The following ADORA1 variants were observed in gnomAD, a reference collection of about 807,000 sequenced individuals.
ADORA1 encodes the protein adenosine receptor A1.
Under a neutral mutation model 19.9 loss-of-function variants are expected in ADORA1, and 6 were observed. The ratio of observed to expected loss-of-function variants is 0.30; its 90% confidence interval spans 0.17 to 0.59. ADORA1 has a LOEUF of 0.59. Among genes scored for constraint, ADORA1 ranks in the 20% least tolerant of loss-of-function variants. The probability of loss-of-function intolerance (pLI) is 0.87; values close to 1 mark genes in which losing one functional copy is unlikely to be tolerated. For missense variants in ADORA1, 302 were observed against 439.2 expected (o/e 0.69, Z 2.79); for synonymous variants, 194 against 188.4 (o/e 1.03, Z -0.24).
chr1:203,151,183 G>C (rs1404949107), intron 3 of ADORA1, among the ~76,000 whole-genome samples: 3 of 152,198 alleles, frequency 2.0e-5, no homozygotes, highest in African/African-American at 7.2e-5. Flanking sequence ...GGAAAGGCGT[G>C]GGCTCACCCT....
intron 3 of ADORA1, among the ~76,000 whole-genome samples, chr1:203,147,326 G>A (rs916194715): frequency 6.6e-6 from 1 of 151,866 alleles, no homozygotes; most frequent in Admixed American, 6.6e-5. Context: ...TTTTTTCCTC[G>A]TATCGGGGGA....
chr1:203,135,199 A>G (rs745354833), intron 3 of ADORA1, among the ~76,000 whole-genome samples: 1 of 152,240 alleles, frequency 6.6e-6, no homozygotes, highest in Non-Finnish European at 1.5e-5. Flanking sequence ...TGCCTGGCAC[A>G]GAGCAGGCAT....
At chr1:203,157,781 GC>G (rs973846574) in intron 3 of ADORA1, among the ~76,000 whole-genome samples, 1 of 152,254 alleles carries the variant, frequency 6.6e-6, no homozygotes, top group Non-Finnish European at 1.5e-5. Flanking sequence ...AGCAGCACAA[GC>G]TACATCTGGG....
In ADORA1 at chr1:203,142,415, G is replaced by A. The variant is rs777180892; in HGVS notation, c.341+13233G>A. 3.5e-3 allele frequency among the ~76,000 whole-genome samples: 532 copies of A among 152,330 alleles called. 1 individual carries two copies. Among genetic ancestry groups the A allele is most frequent in the Non-Finnish European group, 5.7e-3 (388 of 68,034 alleles). ...ATGTCTGTGGAGTGAAGAAATGAGG[G>A]AATGCTCCAATGGAGGAAGGACACC... On this transcript the variant is annotated intron_variant, in intron 3 of 3. Transcript: ENST00000337894.
chr1:203,162,476 G>A (rs1655403033), intron 3 of ADORA1, among the ~76,000 whole-genome samples: 1 of 152,044 alleles, frequency 6.6e-6, no homozygotes, highest in Non-Finnish European at 1.5e-5. Flanking sequence ...CTCTCCATAG[G>A]TCATCACTGC....
rs565101848 is a variant in ADORA1 at position 203,142,314 on chromosome 1, G to A, written c.341+13132G>A. On this transcript the variant is annotated intron_variant, in intron 3 of 3. Transcript: ENST00000337894. ...GCTTGCACTATGAGGGCAGGGCGTGGTACTGTCAACTCTCCTGCCCATCGT... is the reference window on the plus strand; with the variant it reads ...GCTTGCACTATGAGGGCAGGGCGTGATACTGTCAACTCTCCTGCCCATCGT... 2.0e-5 allele frequency among the ~76,000 whole-genome samples: 3 copies of A among 152,310 alleles called. No individual in the cohort carries two copies. The South Asian group carries it at 6.2e-4, about 32-fold the overall frequency.
chr1:203,141,182 G>T (rs571553273), intron 3 of ADORA1, among the ~76,000 whole-genome samples: 2 of 152,260 alleles, frequency 1.3e-5, no homozygotes, highest in Non-Finnish European at 2.9e-5. Flanking sequence ...CTGGCATGGG[G>T]GCACGCTGTG....
At chr1:203,155,107 G>T (rs1655158757) in intron 3 of ADORA1, among the ~76,000 whole-genome samples, 1 of 151,320 alleles carries the variant, frequency 6.6e-6, no homozygotes. Flanking sequence ...GAGTTCAGTG[G>T]CATGGCTCAC....
chr1:203,164,999 C>T, intron 3 of ADORA1: 11 of 1,525,726 alleles, frequency 7.2e-6, no homozygotes, highest in Non-Finnish European at 8.8e-6. Context: ...TAAAGGAGCT[C>T]CTCTGTGATT....
chr1:203,131,958 C>T (rs1040981473), intron 3 of ADORA1, among the ~76,000 whole-genome samples: 2 of 152,182 alleles, frequency 1.3e-5, no homozygotes, highest in African/African-American at 2.4e-5. Context: ...TGAGGCGTGT[C>T]TGGGGCACCC....
chr1:203,144,771 G>A (rs1293380690), intron 3 of ADORA1: 1 of 152,244 alleles, frequency 6.6e-6, no homozygotes, highest in Admixed American at 6.5e-5. Context: ...TCTTGGAACA[G>A]GAGGGAGAAT....
intron 3 of ADORA1, among the ~76,000 whole-genome samples, chr1:203,132,580 T>A (rs1016870664): frequency 6.6e-6 from 1 of 152,156 alleles, no homozygotes; most frequent in Non-Finnish European, 1.5e-5. Context: ...TGGTGGCTCA[T>A]GCCTGTAATC....
At chr1:203,139,226 A>G (rs1654603277) in intron 3 of ADORA1, among the ~76,000 whole-genome samples, 2 of 152,226 alleles carry the variant, frequency 1.3e-5, no homozygotes, top group Non-Finnish European at 2.9e-5. Context: ...GAGAATTTCT[A>G]AAGTGATGTC....
Position 203,165,836 on chromosome 1 carries a change from A to G in ADORA1, c.917A>G (p.His306Arg). The change falls in exon 4 of 4, where the codon CAT (histidine) becomes CGT (arginine). Residue 306 changes from histidine (H) to arginine (R), a missense_variant. His to Arg is a conservative substitution (Grantham distance 29). Transcript: ENST00000337894. This position sits in a 1 kb window ranked among gnomAD's most constrained non-coding sequence, Gnocchi z 5.9. ...RVTFLKIWND[H>R]FRCQPAPPID... ...ACCTTCCTTAAGATTTGGAATGACC[A>G]TTTCCGCTGCCAGCCTGCACCTCCC... The G allele has an allele frequency of 6.2e-7, 1 of 1,602,972 alleles. No individual in the cohort carries two copies.
intron 3 of ADORA1, among the ~76,000 whole-genome samples, chr1:203,147,545 G>A (rs916346735): frequency 2.0e-5 from 3 of 152,200 alleles, no homozygotes; most frequent in African/African-American, 7.2e-5. Flanking sequence ...TACTCAAAGC[G>A]TGGTCAGGGA....
In ADORA1 at chr1:203,166,063, T is replaced by G; in HGVS notation, c.*163T>G. The G allele has an allele frequency of 1.0e-6, 1 of 963,980 alleles. No homozygotes were observed. The highest frequency in any genetic ancestry group is 1.4e-6 in the Non-Finnish European group (1 of 696,158). 59.7% of individuals were successfully genotyped at this position (963,980 alleles called of 1,614,324 possible). A position where few individuals can be genotyped will look rare whatever the true frequency, so the allele number is the denominator to read the frequency against. ...TACCCACAGAGTGTGGTCCCTCCAC[T>G]AGGAGTTAACTACCCTACACCTCTG... is the stretch of plus-strand genomic sequence containing the variant. On this transcript the variant is annotated 3_prime_UTR_variant, in exon 4 of 4. Transcript: ENST00000337894.
intron 3 of ADORA1, among the ~76,000 whole-genome samples, chr1:203,151,784 G>GCATT (rs1392623430): frequency 2.5e-3 from 207 of 81,374 alleles, no homozygotes; most frequent in African/African-American, 7.6e-3. Flanking sequence ...CTTCATGCAT[G>GCATT]CATGCATTCA....
chr1:203,144,945 A>C (rs946169393), intron 3 of ADORA1: 3 of 152,160 alleles, frequency 2.0e-5, no homozygotes, highest in African/African-American at 7.2e-5. Flanking sequence ...CCCCAGAGCC[A>C]CCTCATCCTC....
chr1:203,133,547 C>G (rs1433476227), intron 3 of ADORA1, among the ~76,000 whole-genome samples: 1 of 152,226 alleles, frequency 6.6e-6, no homozygotes, highest in East Asian at 1.9e-4. Flanking sequence ...CCAGTAAGCC[C>G]ATGTGTATCT....
Sources: allele counts gnomAD v4.1 joint callset (sites outside exome capture counted in the v4.1 genomes callset), GRCh38; gene constraint gnomAD v4.1.1; non-coding constraint Gnocchi (gnomAD v3.1); transcripts MANE v1.5; gene names NCBI Gene and HGNC (gene_info 2026-07-23, HGNC 2026-07-21).